Variants in PTPRD observed in about 807,000 individuals in gnomAD.
PTPRD encodes receptor-type tyrosine-protein phosphatase delta.
PTPRD carries 34 observed loss-of-function variants against 214.5 expected under a neutral mutation model. The observed-to-expected ratio is 0.16, with a 90% CI of 0.12 to 0.21. The LOEUF (loss-of-function observed/expected upper bound fraction) is 0.21, where lower values mean the gene tolerates loss of function less well. Ranked by LOEUF, PTPRD falls within the 10% of genes least tolerant of loss-of-function variation. The pLI is 1.00. For missense variants in PTPRD, 2,545 were observed against 2,398.7 expected (o/e 1.06, Z -1.27); for synonymous variants, 1,128 against 845.7 (o/e 1.33, Z -5.79).
In PTPRD at chr9:8,317,802, C is replaced by G; in HGVS notation, c.*72G>C. 1.4e-6 allele frequency: 2 copies of G among 1,397,300 alleles called. No homozygotes were observed. The highest frequency in any genetic ancestry group is 2.0e-6 in the Non-Finnish European group (2 of 985,870). The allele number at this position is 1,397,300 out of a possible 1,614,324, so 86.6% of individuals were successfully genotyped here. A position where few individuals can be genotyped will look rare whatever the true frequency, so the allele number is the denominator to read the frequency against. On this transcript the variant is annotated 3_prime_UTR_variant, in exon 46 of 46. Transcript: ENST00000381196. The stretch of plus-strand genomic sequence containing the variant: ...AGTTAAGAAGGACTTCTCAAGTGCC[C>G]TGTATGGCTCAGAAGAGACTCCATG...
At chr9:9,582,260 G>C (rs2090994452) in intron 7 of PTPRD, among the ~76,000 whole-genome samples, 1 of 152,068 alleles carries the variant, frequency 6.6e-6, no homozygotes, top group African/African-American at 2.4e-5. Context: ...GTAGACGTTG[G>C]GTAAGCAAAG....
At chr9:8,352,122 T>G (rs1459450363) in intron 39 of PTPRD, among the ~76,000 whole-genome samples, 2 of 151,728 alleles carry the variant, frequency 1.3e-5, no homozygotes, top group Non-Finnish European at 2.9e-5. Context: ...AACTAAAATC[T>G]TCCAAAGACT....
At chr9:9,202,259 C>G (rs1378227833) in intron 9 of PTPRD, among the ~76,000 whole-genome samples, 1 of 152,158 alleles carries the variant, frequency 6.6e-6, no homozygotes, top group Non-Finnish European at 1.5e-5. Context: ...ATTGTCAGAT[C>G]TATTGCAGTC....
chr9:9,677,704 G>A (rs1182966944), intron 7 of PTPRD, among the ~76,000 whole-genome samples: 1 of 151,988 alleles, frequency 6.6e-6, no homozygotes, highest in Non-Finnish European at 1.5e-5. Context: ...ACATAGTGTT[G>A]GAAGTTCTGG....
At chr9:10,137,821 A>C (rs1214000265) in intron 3 of PTPRD, among the ~76,000 whole-genome samples, 2 of 152,100 alleles carry the variant, frequency 1.3e-5, no homozygotes, top group Non-Finnish European at 2.9e-5. Flanking sequence ...TAAGGGAGAA[A>C]TTGTAAAACT....
chr9:8,916,575 G>C (rs1274750959), intron 11 of PTPRD, among the ~76,000 whole-genome samples: 1 of 152,166 alleles, frequency 6.6e-6, no homozygotes, highest in African/African-American at 2.4e-5. Context: ...AAATAGAACA[G>C]AGATTTAGAG....
At chr9:9,807,122 C>G (rs1236270542) in intron 5 of PTPRD, among the ~76,000 whole-genome samples, 1 of 152,144 alleles carries the variant, frequency 6.6e-6, no homozygotes, top group African/African-American at 2.4e-5. Flanking sequence ...TAAACTTTCA[C>G]TCCCGCTGCA....
At chr9:10,310,225 T>C (rs904635171) in intron 3 of PTPRD, among the ~76,000 whole-genome samples, 1 of 151,982 alleles carries the variant, frequency 6.6e-6, no homozygotes, top group African/African-American at 2.4e-5. Context: ...CTAAAAATGG[T>C]ATGAGGAGAA....
At chr9:8,370,083 T>G (rs2081050522) in intron 39 of PTPRD, among the ~76,000 whole-genome samples, 1 of 152,144 alleles carries the variant, frequency 6.6e-6, no homozygotes, top group Non-Finnish European at 1.5e-5. Context: ...TAGGAAAATG[T>G]AATCCATGAC....
chr9:8,537,800 T>C (rs2077319794), intron 14 of PTPRD, among the ~76,000 whole-genome samples: 1 of 152,044 alleles, frequency 6.6e-6, no homozygotes. Flanking sequence ...AAGCAATGCA[T>C]GCAATCATCC....
At chr9:8,470,749 G>A (rs1359119) in intron 31 of PTPRD, among the ~76,000 whole-genome samples, 32,747 of 152,016 alleles carry the variant, frequency 0.22, 3,583 homozygotes, top group East Asian at 0.29. Context: ...GGGGCAAAAT[G>A]TTAAGGCCAA....
intron 10 of PTPRD, among the ~76,000 whole-genome samples, chr9:9,150,081 A>G (rs1045143387): frequency 6.6e-6 from 1 of 152,166 alleles, no homozygotes; most frequent in Non-Finnish European, 1.5e-5. Context: ...ATGTGACGCT[A>G]TTGAAATTAC....
At chr9:10,425,727 C>T (rs923919540) in intron 2 of PTPRD, among the ~76,000 whole-genome samples, 6 of 151,880 alleles carry the variant, frequency 4.0e-5, no homozygotes, top group South Asian at 2.1e-4. Flanking sequence ...CCACACTTCA[C>T]GGCTCAAAGT....
At chr9:8,646,113 T>C (rs1270163622) in intron 12 of PTPRD, among the ~76,000 whole-genome samples, 1 of 151,248 alleles carries the variant, frequency 6.6e-6, no homozygotes. Context: ...CCTAAATCAA[T>C]TAAAACAGAA....
intron 14 of PTPRD, among the ~76,000 whole-genome samples, chr9:8,581,950 A>T (rs1424393378): frequency 1.3e-5 from 2 of 150,798 alleles, no homozygotes; most frequent in African/African-American, 4.9e-5. Flanking sequence ...AAAGAGGGAA[A>T]AAAAGGAGGA....
intron 3 of PTPRD, among the ~76,000 whole-genome samples, chr9:10,053,920 G>A (rs2097577967): frequency 6.6e-6 from 1 of 151,876 alleles, no homozygotes; most frequent in Non-Finnish European, 1.5e-5. Context: ...CAACACACCC[G>A]GCTAATTTTT....
At chr9:10,362,807 G>A (rs374174758) in intron 2 of PTPRD, among the ~76,000 whole-genome samples, 11 of 152,236 alleles carry the variant, frequency 7.2e-5, no homozygotes, top group African/African-American at 2.4e-4. Flanking sequence ...TTGAACCCGG[G>A]AGGTGGAGGT....
chr9:8,886,058 G>A (rs1174776090), intron 11 of PTPRD, among the ~76,000 whole-genome samples: 1 of 152,072 alleles, frequency 6.6e-6, no homozygotes, highest in Non-Finnish European at 1.5e-5. Flanking sequence ...TAATCCCAAA[G>A]GTGATTGGTA....
intron 4 of PTPRD, among the ~76,000 whole-genome samples, chr9:9,986,853 C>T (rs2095730261): frequency 6.6e-6 from 1 of 151,734 alleles, no homozygotes; most frequent in African/African-American, 2.4e-5. Context: ...ATATAGTTAA[C>T]TGTACTGTAC....
Sources: allele counts gnomAD v4.1 joint callset (sites outside exome capture counted in the v4.1 genomes callset), GRCh38; gene constraint gnomAD v4.1.1; transcripts MANE v1.5; gene names NCBI Gene and HGNC (gene_info 2026-07-23, HGNC 2026-07-21).